Variants in CSMD1 observed in about 807,000 individuals in gnomAD.
CSMD1 encodes CUB and sushi domain-containing protein 1.
CSMD1 carries 213 observed loss-of-function variants against 417.5 expected under a neutral mutation model. The ratio of observed to expected loss-of-function variants is 0.51; its 90% CI spans 0.46 to 0.57. CSMD1 has a LOEUF of 0.57. Ranked by LOEUF, CSMD1 falls within the 20% of genes least tolerant of loss-of-function variation. CSMD1 has a pLI of 0.00. For synonymous variants in CSMD1, 2,862 were observed against 1,736.8 expected (o/e 1.65, Z -16.11); for missense variants, 6,923 against 4,529.7 (o/e 1.53, Z -15.17).
intron 3 of CSMD1, among the ~76,000 whole-genome samples, chr8:4,403,533 T>C (rs1032220873): frequency 1.3e-5 from 2 of 152,144 alleles, no homozygotes; most frequent in African/African-American, 4.8e-5. Flanking sequence ...TTAGTATCAT[T>C]CGCCAGGGCT....
intron 1 of CSMD1, among the ~76,000 whole-genome samples, chr8:4,690,848 C>T (rs961811577): frequency 6.6e-6 from 1 of 152,152 alleles, no homozygotes; most frequent in Non-Finnish European, 1.5e-5. Flanking sequence ...GCTGCCTCAG[C>T]CTCCTGAGCA....
intron 3 of CSMD1, among the ~76,000 whole-genome samples, chr8:4,098,041 C>G (rs1251204659): frequency 6.6e-6 from 1 of 152,162 alleles, no homozygotes; most frequent in Non-Finnish European, 1.5e-5. Context: ...AATTTTTGTT[C>G]AGGCACAGAG....
intron 10 of CSMD1, among the ~76,000 whole-genome samples, chr8:3,552,672 A>C (rs914996920): frequency 6.6e-6 from 1 of 152,222 alleles, no homozygotes; most frequent in East Asian, 1.9e-4. Flanking sequence ...TCACATCAAC[A>C]TTGTTCATAT....
intron 3 of CSMD1, among the ~76,000 whole-genome samples, chr8:4,418,818 T>A (rs545042821): frequency 6.6e-6 from 1 of 152,168 alleles, no homozygotes; most frequent in South Asian, 2.1e-4. Context: ...TTAAAGGTGA[T>A]AGACCCTTTC....
At chr8:3,302,202 G>C (rs1168329908) in intron 25 of CSMD1, among the ~76,000 whole-genome samples, 1 of 152,162 alleles carries the variant, frequency 6.6e-6, no homozygotes, top group Admixed American at 6.5e-5. Context: ...GAGCTCTGAG[G>C]AGAGATGTCA....
In CSMD1 at chr8:4,695,338, T is replaced by C. The variant is rs117588490; in HGVS notation, c.86-57780A>G. 3.2e-3 allele frequency among the ~76,000 whole-genome samples: 492 copies of C among 152,174 alleles called. 19 individuals carry two copies. In the East Asian group the frequency reaches 0.082, roughly 25 times the overall value. On this transcript the variant is annotated intron_variant, in intron 1 of 69. Coordinates refer to ENST00000635120, the MANE Select transcript of CSMD1 (RefSeq NM_033225.6). ...TTGAAATAACTTCATTCAGCCTACA[T>C]CCATGCTTGAGAGTGAGGACTGGCC...
At chr8:3,199,857 G>A in intron 32 of CSMD1, 48 bp from the exon 33 acceptor site, 1 of 1,143,754 alleles carries the variant, frequency 8.7e-7, no homozygotes, top group Non-Finnish European at 1.3e-6. Context: ...AGCACCGTGG[G>A]GGACGGTAGT....
chr8:3,457,254 C>A (rs1037903134), intron 12 of CSMD1, among the ~76,000 whole-genome samples: 1 of 152,080 alleles, frequency 6.6e-6, no homozygotes, highest in East Asian at 1.9e-4. Flanking sequence ...ACTCGTGAAC[C>A]TGTTTCCCTT....
At chr8:3,798,483 T>A (rs762288926) in intron 5 of CSMD1, among the ~76,000 whole-genome samples, 1 of 152,054 alleles carries the variant, frequency 6.6e-6, no homozygotes, top group Admixed American at 6.6e-5. Flanking sequence ...ATCTTGTGGA[T>A]ATACTGCAGA....
chr8:4,150,523 T>G (rs1165722224), intron 3 of CSMD1, among the ~76,000 whole-genome samples: 1 of 152,204 alleles, frequency 6.6e-6, no homozygotes, highest in Non-Finnish European at 1.5e-5. Flanking sequence ...AATTTCTCTT[T>G]CTGTTCTTCC....
At chr8:3,605,677 T>A (rs956833154) in intron 8 of CSMD1, among the ~76,000 whole-genome samples, 1 of 152,194 alleles carries the variant, frequency 6.6e-6, no homozygotes, top group African/African-American at 2.4e-5. Flanking sequence ...CATGGTATCC[T>A]CGAGATAAAA....
chr8:4,773,268 G>A (rs1796685155), intron 1 of CSMD1, among the ~76,000 whole-genome samples: 1 of 151,840 alleles, frequency 6.6e-6, no homozygotes, highest in East Asian at 1.9e-4. Flanking sequence ...TTATAGATTA[G>A]GGATACTCAA....
intron 3 of CSMD1, among the ~76,000 whole-genome samples, chr8:4,032,670 A>C (rs554225985): frequency 1.1e-4 from 17 of 152,210 alleles, no homozygotes; most frequent in Non-Finnish European, 1.6e-4. Context: ...AAAATGTTCC[A>C]CTACTGTATT....
At chr8:3,777,284 C>G (rs1413722157) in intron 5 of CSMD1, among the ~76,000 whole-genome samples, 1 of 152,012 alleles carries the variant, frequency 6.6e-6, no homozygotes, top group African/African-American at 2.4e-5. Flanking sequence ...GGTGCACAGT[C>G]CACAGTCAGT....
At chr8:4,207,658 C>A (rs1394785566) in intron 3 of CSMD1, among the ~76,000 whole-genome samples, 4 of 152,076 alleles carry the variant, frequency 2.6e-5, no homozygotes, top group African/African-American at 4.8e-5. Flanking sequence ...TGTATTCCTA[C>A]ATAAATTAGT....
chr8:3,149,545 G>A (rs763654628), intron 40 of CSMD1, among the ~76,000 whole-genome samples: 1 of 152,052 alleles, frequency 6.6e-6, no homozygotes, highest in African/African-American at 2.4e-5. Flanking sequence ...TGGCGTGATC[G>A]TGGCTCACTG....
intron 24 of CSMD1, 40 bp downstream of exon 24, chr8:3,308,272 C>A: frequency 6.5e-7 from 1 of 1,528,806 alleles, no homozygotes. Flanking sequence ...CACCCTAAGG[C>A]CTGGCTTTTG....
chr8:3,782,947 C>G (rs895102852), intron 5 of CSMD1, among the ~76,000 whole-genome samples: 6 of 152,108 alleles, frequency 3.9e-5, no homozygotes, highest in Admixed American at 6.5e-5. Context: ...GAGATCTAGC[C>G]TCTAAACCAA....
At chr8:3,451,747 C>T (rs1304767042) in intron 12 of CSMD1, among the ~76,000 whole-genome samples, 13 of 152,170 alleles carry the variant, frequency 8.5e-5, no homozygotes, top group East Asian at 3.9e-4. Context: ...AGTCAGGTAG[C>T]ATGACGCCTC....
Sources: allele counts gnomAD v4.1 joint callset (sites outside exome capture counted in the v4.1 genomes callset), GRCh38; gene constraint gnomAD v4.1.1; transcripts MANE v1.5; gene names NCBI Gene and HGNC (gene_info 2026-07-23, HGNC 2026-07-21).